Variants in KIF4A observed in about 807,000 individuals in gnomAD.
KIF4A encodes chromosome-associated kinesin KIF4A.
KIF4A carries 7 observed loss-of-function variants against 105.9 expected under a neutral mutation model. That is an observed-to-expected ratio of 0.07 (90% CI 0.04 to 0.12). KIF4A has a LOEUF of 0.12. Ranked by LOEUF, KIF4A falls within the 10% of genes least tolerant of loss-of-function variation. KIF4A has a pLI of 1.00. For missense variants in KIF4A, 558 were observed against 929.2 expected (o/e 0.60, Z 5.19); for synonymous variants, 281 against 331.3 (o/e 0.85, Z 1.65).
intron 15 of KIF4A, among the ~76,000 whole-genome samples, chrX:70,372,080 T>C (rs865806434): frequency 5.3e-5 from 5 of 93,914 alleles, no homozygotes; most frequent in South Asian, 6.0e-4. Flanking sequence ...ACTTCCTAGA[T>C]GGGATGGCGG....
At chrX:70,352,373 G>A (rs1463740232) in intron 13 of KIF4A, among the ~76,000 whole-genome samples, 1 of 111,642 alleles carries the variant, frequency 9.0e-6, no homozygotes, top group African/African-American at 3.3e-5. Context: ...GTTGCCACAT[G>A]ACCTTATTTT....
intron 11 of KIF4A, 67 bp downstream of exon 11, chrX:70,341,998 A>G: frequency 8.9e-7 from 1 of 1,121,588 alleles, no homozygotes; most frequent in Non-Finnish European, 1.2e-6. Context: ...AGAATATTTA[A>G]CATGTATCTC....
At chrX:70,410,830 G>C (rs2086318973) in intron 28 of KIF4A, among the ~76,000 whole-genome samples, 1 of 111,847 alleles carries the variant, frequency 8.9e-6, no homozygotes. Context: ...ACCAGTACTG[G>C]TCCCCAGCCT....
intron 18 of KIF4A, among the ~76,000 whole-genome samples, chrX:70,386,117 T>C (rs2086216807): frequency 9.0e-6 from 1 of 110,544 alleles, no homozygotes; most frequent in Non-Finnish European, 1.9e-5. Flanking sequence ...ATGAGAAACC[T>C]CTTTTTTTTT....
intron 30 of KIF4A, 83 bp downstream of exon 30, chrX:70,419,866 G>A: frequency 8.7e-7 from 1 of 1,152,278 alleles, no homozygotes; most frequent in Non-Finnish European, 1.2e-6. Flanking sequence ...TAGGAGAGAG[G>A]CAGGTGGAGT....
rs138910776 is a variant in KIF4A, at chrX:70,343,730, G to A, written c.1294G>A (p.Ala432Thr). Reference sequence around the variant, plus strand: ...AGAGCAAGCGAATGAAAAAATGAACGCCAAGCTAGAAGAGCTCAGGCAGCA... The same window carrying A: ...AGAGCAAGCGAATGAAAAAATGAACACCAAGCTAGAAGAGCTCAGGCAGCA... ...LTEQANEKMN[A>T]KLEELRQHAA... The change falls in exon 12 of 31, where the codon GCC (alanine) becomes ACC (threonine). Residue 432 changes from alanine to threonine, a missense_variant. This residue lies in a region of KIF4A where 469 missense variants were observed against 680.4 expected (regional missense o/e 0.69). Coordinates refer to ENST00000374403, the MANE Select transcript of KIF4A (RefSeq NM_012310.5). 16 of 1,209,916 alleles carry A rather than the reference G, an allele frequency of 1.3e-5. No homozygotes were observed. In the African/African-American group the frequency reaches 1.6e-4, roughly 12 times the overall value.
chrX:70,411,072 TA>T (rs1401439656), intron 28 of KIF4A, among the ~76,000 whole-genome samples: 91 of 112,233 alleles, frequency 8.1e-4, no homozygotes, highest in Non-Finnish European at 4.1e-4. Context: ...ATTTTACAAA[TA>T]TTCTCATTTG....
intron 22 of KIF4A, among the ~76,000 whole-genome samples, chrX:70,400,232 C>T (rs5980924): frequency 0.016 from 1,605 of 101,163 alleles, 32 homozygotes; most frequent in African/African-American, 0.055. Flanking sequence ...TCCATGTGAT[C>T]TCATTGTTCA....
At chrX:70,319,791 A>C (rs998741018) in intron 7 of KIF4A, among the ~76,000 whole-genome samples, 1 of 112,370 alleles carries the variant, frequency 8.9e-6, no homozygotes, top group Non-Finnish European at 1.9e-5. Flanking sequence ...TTTAAAAATT[A>C]TATTTTCTAA....
At chrX:70,310,282 G>C (rs1253323462) in intron 7 of KIF4A, among the ~76,000 whole-genome samples, 1 of 106,034 alleles carries the variant, frequency 9.4e-6, no homozygotes, top group Non-Finnish European at 1.9e-5. Context: ...CATGTTCTTA[G>C]ACTTCATTAC....
At chrX:70,375,106 A>G in intron 16 of KIF4A, 98 bp from the exon 17 acceptor site, 1 of 946,105 alleles carries the variant, frequency 1.1e-6, no homozygotes, top group Admixed American at 3.3e-5. Flanking sequence ...CACCTATTTT[A>G]TATATGTCAG....
In KIF4A at chrX:70,302,340, C is replaced by T. The variant is rs770891686; in HGVS notation, c.720C>T (p.Asp240=). ...TTCGCTCCAAGCTGCATCTTGTAGACCTCGCTGGATCAGAAAGACAGAAGA... is the reference window on the plus strand; with the variant it reads ...TTCGCTCCAAGCTGCATCTTGTAGATCTCGCTGGATCAGAAAGACAGAAGA... ...SSFRSKLHLV[D]LAGSERQKKT... The change falls in exon 7 of 31, where the codon GAC becomes GAT. Residue 240 remains aspartate (D), a synonymous_variant. Coordinates refer to ENST00000374403, the MANE Select transcript of KIF4A (RefSeq NM_012310.5). 1.5e-5 allele frequency: 18 copies of T among 1,209,872 alleles called. No homozygotes were observed. Among genetic ancestry groups the T allele is most frequent in the African/African-American group, 3.5e-5 (2 of 57,192 alleles).
chrX:70,318,143 G>T (rs938219856), intron 7 of KIF4A, among the ~76,000 whole-genome samples: 3 of 111,648 alleles, frequency 2.7e-5, no homozygotes, highest in Non-Finnish European at 5.7e-5. Flanking sequence ...CTCCCAAAGT[G>T]CAGGGATTAC....
intron 13 of KIF4A, among the ~76,000 whole-genome samples, chrX:70,349,356 C>CT (rs2147702690): frequency 1.1e-5 from 1 of 88,247 alleles, no homozygotes. Flanking sequence ...ATGGGGCGGC[C>CT]GGGCAGAGGC....
intron 19 of KIF4A, 70 bp downstream of exon 19, chrX:70,386,771 C>A: frequency 1.3e-6 from 1 of 789,456 alleles, no homozygotes; most frequent in Non-Finnish European, 1.9e-6. Context: ...AAAGTAATAT[C>A]CTTTAAACTA....
Position 70,299,218 on chromosome X carries a change from A to C in KIF4A, c.516+16A>C. 8.6e-7 allele frequency: 1 copy of C among 1,157,852 alleles called. No individual in the cohort carries two copies. Among genetic ancestry groups the C allele is most frequent in the South Asian group, 2.0e-5 (1 of 49,782 alleles). ...AGGCATAAAGGTGTGTTTGTCTCTC[A>C]TTTGATGTTATTAAAAAAATTTGGC... On this transcript the variant is annotated intron_variant, in intron 5 of 30. Transcript: ENST00000374403.
At chrX:70,357,765 C>G (rs945641972) in intron 15 of KIF4A, among the ~76,000 whole-genome samples, 1 of 111,811 alleles carries the variant, frequency 8.9e-6, no homozygotes, top group Admixed American at 9.5e-5. Flanking sequence ...GTTGAGAAGT[C>G]TATTATAATT....
chrX:70,312,908 A>G (rs1028744326), intron 7 of KIF4A, among the ~76,000 whole-genome samples: 5 of 111,744 alleles, frequency 4.5e-5, no homozygotes, highest in African/African-American at 1.6e-4. Flanking sequence ...TCAATTTCTA[A>G]TGTATTGCAT....
At chrX:70,349,721 C>T (rs1187999291) in intron 13 of KIF4A, among the ~76,000 whole-genome samples, 22 of 55,201 alleles carry the variant, frequency 4.0e-4, no homozygotes, top group Middle Eastern at 0.036. Flanking sequence ...CGCTCCTCAC[C>T]TCCCAGACGG....
Sources: allele counts gnomAD v4.1 joint callset (sites outside exome capture counted in the v4.1 genomes callset), GRCh38; gene constraint gnomAD v4.1.1; regional missense constraint gnomAD v4.1.1; transcripts MANE v1.5; gene names NCBI Gene and HGNC (gene_info 2026-07-23, HGNC 2026-07-21).